NETO1: variants seen among roughly 807,000 people sequenced by gnomAD.
NETO1 encodes the protein neuropilin and tolloid-like protein 1.
NETO1 carries 26 observed loss-of-function variants against 61.3 expected under a neutral mutation model. That is an observed-to-expected ratio of 0.42 (90% CI 0.31 to 0.59). The LOEUF is 0.59. Ranked by LOEUF, NETO1 falls within the 20% of genes least tolerant of loss-of-function variation. The pLI, the probability that NETO1 is intolerant of heterozygous loss-of-function variation, is 0.12. For missense variants in NETO1, 531 were observed against 662.8 expected (o/e 0.80, Z 2.18); for synonymous variants, 225 against 225.8 (o/e 1.00, Z 0.03).
At chr18:72,762,852 T>C (rs4892042) in intron 7 of NETO1, among the ~76,000 whole-genome samples, 54,198 of 152,070 alleles carry the variant, frequency 0.36, 10,240 homozygotes, top group African/African-American at 0.46. Context: ...AAGCAAATTA[T>C]GTAGCAGGGG....
At chr18:72,808,341 A>G (rs547278675) in intron 4 of NETO1, among the ~76,000 whole-genome samples, 1 of 152,102 alleles carries the variant, frequency 6.6e-6, no homozygotes, top group South Asian at 2.1e-4. Context: ...CCAGGCTTAC[A>G]AGCGTGACAT....
At chr18:72,834,654 T>G (rs1349855409) in intron 4 of NETO1, 1 of 984,762 alleles carries the variant, frequency 1.0e-6, no homozygotes, top group Admixed American at 6.2e-5. Flanking sequence ...ATTTATGTAT[T>G]TTTAGTTCTT....
chr18:72,865,442 T>C, intron 1 of NETO1: 1 of 1,213,548 alleles, frequency 8.2e-7, no homozygotes, highest in Non-Finnish European at 1.2e-6. Flanking sequence ...AAGGAACTAA[T>C]GCAAGTTAAG....
chr18:72,772,815 CTCTCTCTCTCTATATATA>C (rs1217086191), intron 7 of NETO1, among the ~76,000 whole-genome samples: 54 of 53,784 alleles, frequency 1.0e-3, no homozygotes, highest in Non-Finnish European at 1.7e-3. Flanking sequence ...CTCTCTCTCT[CTCTCTCTCTCTATATATA>C]TATATATATA....
At chr18:72,764,558 C>T (rs2071088250) in intron 7 of NETO1, among the ~76,000 whole-genome samples, 1 of 152,044 alleles carries the variant, frequency 6.6e-6, no homozygotes, top group Non-Finnish European at 1.5e-5. Context: ...TCTCTCTCGG[C>T]AATTTTCATC....
At chr18:72,814,905 C>T (rs926133594) in intron 4 of NETO1, among the ~76,000 whole-genome samples, 4 of 151,562 alleles carry the variant, frequency 2.6e-5, no homozygotes, top group African/African-American at 9.7e-5. Context: ...TAAAAATCTA[C>T]CACCATAGGG....
intron 8 of NETO1, among the ~76,000 whole-genome samples, chr18:72,755,540 G>A (rs766653547): frequency 1.3e-5 from 2 of 152,162 alleles, no homozygotes; most frequent in Non-Finnish European, 2.9e-5. Context: ...GGCTTTGGGA[G>A]CTATGTTCCC....
rs75924561 is a variant in NETO1 at position 72,778,465 on chromosome 18, G to C, written c.868+5213C>G. 9.7e-4 allele frequency among the ~76,000 whole-genome samples: 147 copies of C among 152,182 alleles called. 2 individuals carry two copies. In the East Asian group the frequency reaches 0.026, roughly 27 times the overall value. Reference sequence around the variant, plus strand: ...TTCTTCTTGAATTTTATGACAGGCAGTCAGGAGTCAAACGTTCTTTCAACA... The same window carrying C: ...TTCTTCTTGAATTTTATGACAGGCACTCAGGAGTCAAACGTTCTTTCAACA... On this transcript the variant is annotated intron_variant, in intron 7 of 10. Coordinates refer to ENST00000327305, the MANE Select transcript of NETO1 (RefSeq NM_138966.5).
At chr18:72,772,793 T>TCTCTCTCTCTCTCTCTCTCTC (rs1391807702) in intron 7 of NETO1, among the ~76,000 whole-genome samples, 1 of 58,956 alleles carries the variant, frequency 1.7e-5, no homozygotes. Context: ...CTCTATATAG[T>TCTCTCTCTCTCTCTCTCTCTC]TCTCTCTCTC....
At chr18:72,784,525 G>A (rs1228185803) in intron 6 of NETO1, among the ~76,000 whole-genome samples, 3 of 152,138 alleles carry the variant, frequency 2.0e-5, no homozygotes, top group South Asian at 4.2e-4. Flanking sequence ...TGAGTAAAAT[G>A]TACTGTGCAA....
At chr18:72,791,510 T>C (rs1307853186) in intron 6 of NETO1, among the ~76,000 whole-genome samples, 2 of 152,198 alleles carry the variant, frequency 1.3e-5, no homozygotes, top group South Asian at 2.1e-4. Flanking sequence ...CCTGTTACAA[T>C]AGAGCCATCT....
At chr18:72,772,759 C>CCATATATA (rs1555684131) in intron 7 of NETO1, among the ~76,000 whole-genome samples, 3 of 102,320 alleles carry the variant, frequency 2.9e-5, no homozygotes, top group Non-Finnish European at 5.8e-5. Context: ...CTATATATAT[C>CCATATATA]TATATATATA....
At chr18:72,763,241 AT>A (rs1345559977) in intron 7 of NETO1, among the ~76,000 whole-genome samples, 1 of 152,152 alleles carries the variant, frequency 6.6e-6, no homozygotes, top group Admixed American at 6.5e-5. Flanking sequence ...ACTATCCATG[AT>A]TTATGGTTAA....
intron 4 of NETO1, among the ~76,000 whole-genome samples, chr18:72,844,871 T>C (rs1052665392): frequency 6.6e-6 from 1 of 152,216 alleles, no homozygotes; most frequent in Admixed American, 6.5e-5. Flanking sequence ...TGTGGCTACG[T>C]GAGCACGTCA....
chr18:72,867,760 A>ACGGCAGCGACGGAGCGGGCGGCGG lies in NETO1; in HGVS notation c.-493_-470dup, dbSNP rs2074785221. Reference sequence around the variant, plus strand: ...GCGAGGTGGGGGCCAGTCCAGACCGACGGCAGCGACGGAGCGGGCGGCGGC... The same window carrying ACGGCAGCGACGGAGCGGGCGGCGG: ...GCGAGGTGGGGGCCAGTCCAGACCGACGGCAGCGACGGAGCGGGCGGCGGCGGCAGCGACGGAGCGGGCGGCGGC... On this transcript the variant is annotated 5_prime_UTR_variant, in exon 1 of 11. Transcript: ENST00000327305. 6.5e-6 allele frequency: 1 copy of ACGGCAGCGACGGAGCGGGCGGCGG among 154,872 alleles called. No homozygotes were observed. Among genetic ancestry groups the ACGGCAGCGACGGAGCGGGCGGCGG allele is most frequent in the South Asian group, 1.8e-4 (1 of 5,634 alleles). The allele number at this position is 154,872 out of a possible 1,614,324, so 9.6% of individuals were successfully genotyped here. A position where few individuals can be genotyped will look rare whatever the true frequency, so the allele number is the denominator to read the frequency against.
At chr18:72,763,541 G>A (rs9789128) in intron 7 of NETO1, among the ~76,000 whole-genome samples, 45,192 of 151,842 alleles carry the variant, frequency 0.3, 7,924 homozygotes, top group South Asian at 0.41. Flanking sequence ...TGTGGGCACA[G>A]CCACAGGCTG....
chr18:72,863,195 G>T (rs1361714049), intron 3 of NETO1, among the ~76,000 whole-genome samples: 1 of 152,142 alleles, frequency 6.6e-6, no homozygotes, highest in Non-Finnish European at 1.5e-5. Context: ...TCCCTCTTCA[G>T]CCTCCTGCTG....
intron 6 of NETO1, among the ~76,000 whole-genome samples, chr18:72,787,981 T>C (rs1324700828): frequency 6.6e-6 from 1 of 152,134 alleles, no homozygotes; most frequent in Non-Finnish European, 1.5e-5. Flanking sequence ...TTATAGAAAA[T>C]AAACGTGTCC....
At chr18:72,769,604 C>T (rs1334976938) in intron 7 of NETO1, among the ~76,000 whole-genome samples, 2 of 152,070 alleles carry the variant, frequency 1.3e-5, no homozygotes, top group Non-Finnish European at 2.9e-5. Flanking sequence ...TTAGAAAATA[C>T]AGGCAAAAAT....
Sources: allele counts gnomAD v4.1 joint callset (sites outside exome capture counted in the v4.1 genomes callset), GRCh38; gene constraint gnomAD v4.1.1; transcripts MANE v1.5; gene names NCBI Gene and HGNC (gene_info 2026-07-23, HGNC 2026-07-21).